Variants in STOX2 observed in about 807,000 individuals in gnomAD.
The protein encoded by STOX2 is storkhead box 2, also known as storkhead-box protein 2.
In STOX2, 28 loss-of-function variants were observed where a neutral mutation model predicts 60.9. The ratio of observed to expected loss-of-function variants is 0.46; its 90% CI spans 0.34 to 0.63. The LOEUF (loss-of-function observed/expected upper bound fraction) is 0.63. Among genes scored for constraint, STOX2 ranks in the 30% least tolerant of loss-of-function variants. The pLI, the probability that STOX2 is intolerant of heterozygous loss-of-function variation, is 0.01. For missense variants in STOX2, 1,024 were observed against 1,187.7 expected (o/e 0.86, Z 2.03); for synonymous variants, 472 against 463.9 (o/e 1.02, Z -0.22).
chr4:183,868,817 T>C (rs1027801654), intron 1 of STOX2, among the ~76,000 whole-genome samples: 5 of 152,214 alleles, frequency 3.3e-5, no homozygotes. Context: ...ATGTTCTAGT[T>C]TATTAAAAGT....
At chr4:183,894,572 T>C (rs934048841) in intron 1 of STOX2, among the ~76,000 whole-genome samples, 1 of 152,154 alleles carries the variant, frequency 6.6e-6, no homozygotes, top group African/African-American at 2.4e-5. Flanking sequence ...TTAACAGTTA[T>C]TGAAATTTGA....
At chr4:183,946,633 T>TGTTTGTTTGTTTG (rs1409236412) in intron 1 of STOX2, among the ~76,000 whole-genome samples, 20 of 140,400 alleles carry the variant, frequency 1.4e-4, no homozygotes, top group Admixed American at 5.4e-4. Context: ...TGTGGTTTTT[T>TGTTTGTTTGTTTG]TTTTTTTTTT....
intron 1 of STOX2, among the ~76,000 whole-genome samples, chr4:183,882,655 CTGGG>C (rs2111173926): frequency 6.6e-6 from 1 of 152,288 alleles, no homozygotes; most frequent in African/African-American, 2.4e-5. Flanking sequence ...TTTACTATGC[CTGGG>C]TTACACTTTT....
chr4:183,986,724 A>C (rs141862357), intron 1 of STOX2, among the ~76,000 whole-genome samples: 225 of 152,366 alleles, frequency 1.5e-3, no homozygotes, highest in African/African-American at 4.9e-3. Context: ...AATGGATGTC[A>C]CTGTGCAGGG....
At chr4:183,890,482 CA>C (rs1180769489) in intron 1 of STOX2, among the ~76,000 whole-genome samples, 1,506 of 47,838 alleles carry the variant, frequency 0.031, 18 homozygotes, top group African/African-American at 0.082. Flanking sequence ...GACTCCGTCT[CA>C]AAAAAAAAAA....
At chr4:183,951,070 G>C (rs1169808065) in intron 1 of STOX2, among the ~76,000 whole-genome samples, 1 of 151,868 alleles carries the variant, frequency 6.6e-6, no homozygotes, top group Non-Finnish European at 1.5e-5. Flanking sequence ...AAAAAAATTA[G>C]CCGGGCGTGG....
chr4:183,927,723 G>A (rs1026947830), intron 1 of STOX2, among the ~76,000 whole-genome samples: 2 of 152,168 alleles, frequency 1.3e-5, no homozygotes, highest in African/African-American at 2.4e-5. Context: ...GTAGGAGGGT[G>A]TGTGAGTGCT....
intron 1 of STOX2, among the ~76,000 whole-genome samples, chr4:183,915,035 C>T (rs1355625499): frequency 6.6e-6 from 1 of 152,200 alleles, no homozygotes; most frequent in African/African-American, 2.4e-5. Context: ...ATACCTATCC[C>T]GTTGAAAAAT....
At position 184,020,825 on chromosome 4, in the gene STOX2, A is replaced by G. The variant is rs1232713038; in HGVS notation, c.*3541A>G. ...CAATTCACAGTTAATCCGGAGTAAC[A>G]ATGATCTGAACACCAGCTGTTCCCA... is the stretch of plus-strand genomic sequence containing the variant. On this transcript the variant is annotated 3_prime_UTR_variant, in exon 4 of 4. Transcript: ENST00000308497. 6.6e-6 allele frequency: 1 copy of G among 152,210 alleles called. No individual in the cohort carries two copies. The highest frequency in any genetic ancestry group is 1.5e-5 in the Non-Finnish European group (1 of 68,042). The allele number at this position is 152,210 out of a possible 1,614,324, so 9.4% of individuals were successfully genotyped here. A position where few individuals can be genotyped will look rare whatever the true frequency, so the allele number is the denominator to read the frequency against.
At chr4:183,961,304 G>C (rs1743404238) in intron 1 of STOX2, among the ~76,000 whole-genome samples, 1 of 152,142 alleles carries the variant, frequency 6.6e-6, no homozygotes, top group South Asian at 2.1e-4. Context: ...AAATTTATAA[G>C]CCTTTAAAAG....
chr4:183,982,865 C>A, intron 1 of STOX2, among the ~76,000 whole-genome samples: 1 of 142,416 alleles, frequency 7.0e-6, no homozygotes, highest in South Asian at 2.3e-4. Context: ...TTTTACCTTG[C>A]CTCAGTAATT....
chr4:183,834,782 T>C (rs1228042589), intron 1 of STOX2, among the ~76,000 whole-genome samples: 4 of 152,208 alleles, frequency 2.6e-5, no homozygotes, highest in Non-Finnish European at 5.9e-5. Context: ...CAAGAAGCAA[T>C]ATTTAGCACT....
intron 1 of STOX2, among the ~76,000 whole-genome samples, chr4:183,827,993 C>T (rs1739474874): frequency 6.6e-6 from 1 of 152,034 alleles, no homozygotes; most frequent in Admixed American, 6.6e-5. Flanking sequence ...TACCAGCTAT[C>T]CTGTTTGTGT....
At chr4:183,914,920 A>G (rs950041972) in intron 1 of STOX2, among the ~76,000 whole-genome samples, 12 of 152,228 alleles carry the variant, frequency 7.9e-5, no homozygotes, top group South Asian at 2.1e-4. Flanking sequence ...TAGAAGGGAT[A>G]TGTTTTTGAT....
rs947495714 is a variant in STOX2 at position 184,020,546 on chromosome 4, C to T, written c.*3262C>T. 47 of 152,166 alleles carry T rather than the reference C, an allele frequency of 3.1e-4. 2 individuals carry two copies. The highest frequency in any genetic ancestry group is 1.5e-5 in the Non-Finnish European group (1 of 68,040). The allele number at this position is 152,166 out of a possible 1,614,324, so 9.4% of individuals were successfully genotyped here. On this transcript the variant is annotated 3_prime_UTR_variant, in exon 4 of 4. Transcript: ENST00000308497. ...AAGCACTTCGGGCTCTGCCTTCACT[C>T]GCATGCTACCATGTCGAGCCCAAAC...
chr4:183,832,646 A>T (rs1739599723), intron 1 of STOX2, among the ~76,000 whole-genome samples: 1 of 151,940 alleles, frequency 6.6e-6, no homozygotes, highest in African/African-American at 2.4e-5. Context: ...GCCTGCCACC[A>T]TGCCCGGCTA....
At chr4:183,874,983 ATATAT>A (rs1560857900) in intron 1 of STOX2, among the ~76,000 whole-genome samples, 2 of 104,002 alleles carry the variant, frequency 1.9e-5, no homozygotes, top group African/African-American at 4.1e-5. Flanking sequence ...ATATATATAT[ATATAT>A]ATATAAAACT....
chr4:183,948,595 G>A (rs1181376141), intron 1 of STOX2, among the ~76,000 whole-genome samples: 1 of 137,548 alleles, frequency 7.3e-6, no homozygotes, highest in African/African-American at 2.7e-5. Context: ...GCAGTGGCGC[G>A]ATCTTGGCTC....
At chr4:183,973,085 CAG>C (rs1208251743) in intron 1 of STOX2, among the ~76,000 whole-genome samples, 1 of 151,584 alleles carries the variant, frequency 6.6e-6, no homozygotes, top group Non-Finnish European at 1.5e-5. Flanking sequence ...AATAAGTAAA[CAG>C]AGCTTCAAGG....
Sources: allele counts gnomAD v4.1 joint callset (sites outside exome capture counted in the v4.1 genomes callset), GRCh38; gene constraint gnomAD v4.1.1; transcripts MANE v1.5; gene names NCBI Gene and HGNC (gene_info 2026-07-23, HGNC 2026-07-21).